TRAPPC12: variants seen among roughly 807,000 people sequenced by gnomAD.
The protein encoded by TRAPPC12 is trafficking protein particle complex subunit 12.
A neutral mutation model predicts 69.2 loss-of-function variants in TRAPPC12; 61 were observed. That is an observed-to-expected ratio of 0.88 (90% CI 0.72 to 1.09). The LOEUF (loss-of-function observed/expected upper bound fraction) is 1.09. Among genes scored for constraint, TRAPPC12 ranks in the 50% least tolerant of loss-of-function variants. The pLI is 0.00. For missense variants in TRAPPC12, 1,101 were observed against 1,016.4 expected, an observed-to-expected ratio of 1.08 and a Z score of -1.13; for synonymous variants, 469 against 438.9, an observed-to-expected ratio of 1.07 and a Z score of -0.86.
intron 7 of TRAPPC12, chr2:3,458,540 T>C: frequency 1.2e-6 from 1 of 808,082 alleles, no homozygotes; most frequent in Non-Finnish European, 1.5e-6. Flanking sequence ...GGTGTGTGGA[T>C]GTTGGGTGTG....
rs138605007 is a variant in TRAPPC12, at chr2:3,401,822, G to A, written c.1093G>A (p.Ala365Thr). 1,136 of 1,601,018 alleles carry A rather than the reference G, an allele frequency of 7.1e-4. 3 individuals carry two copies. The highest frequency in any genetic ancestry group is 9.2e-4 in the Non-Finnish European group (1,078 of 1,175,414). ...GATGCTTCGCTTTCTGGGTGAAAAA[G>A]CTGCAGCAAAGAGACAAGTCCTAAA... ...DLMLRFLGEKAAAKRQVLNAD... is the reference protein window; with the variant it reads ...DLMLRFLGEKTAAKRQVLNAD... The change falls in exon 3 of 12, where the codon GCT becomes ACT. Residue 365 changes from alanine (A) to threonine (T), a missense_variant. Physicochemically the swap from Ala to Thr is moderately conservative, Grantham distance 58. Coordinates refer to ENST00000324266, the MANE Select transcript of TRAPPC12 (RefSeq NM_016030.6).
chr2:3,426,948 C>A (rs1232597965), intron 5 of TRAPPC12, among the ~76,000 whole-genome samples: 1 of 152,208 alleles, frequency 6.6e-6, no homozygotes, highest in East Asian at 1.9e-4. Flanking sequence ...TTTCTTGTCT[C>A]CACTTCATCG....
chr2:3,389,771 A>C (rs1660719360), intron 2 of TRAPPC12: 1 of 463,276 alleles, frequency 2.2e-6, no homozygotes, highest in African/African-American at 2.1e-5. Context: ...TTATGCCGAC[A>C]ACCAGAGTGT....
chr2:3,432,030 A>G (rs534261727), intron 5 of TRAPPC12, among the ~76,000 whole-genome samples: 1 of 152,238 alleles, frequency 6.6e-6, no homozygotes, highest in Non-Finnish European at 1.5e-5. Context: ...GAATTTTTAA[A>G]GTACCACATT....
intron 9 of TRAPPC12, among the ~76,000 whole-genome samples, chr2:3,469,750 TAG>T (rs1665981243): frequency 1.3e-5 from 2 of 151,354 alleles, no homozygotes; most frequent in Admixed American, 1.3e-4. Context: ...CCTGCAAGAG[TAG>T]GAATGTAGGC....
intron 10 of TRAPPC12, 172 bp from the exon 11 acceptor site, chr2:3,478,674 G>A (rs1405844281): frequency 3.4e-6 from 2 of 594,134 alleles, no homozygotes; most frequent in Admixed American, 3.0e-5. Flanking sequence ...GCTTTAATGT[G>A]CGAGCCTGAA....
chr2:3,465,455 T>A (rs1278182060), intron 8 of TRAPPC12, 142 bp from the exon 9 acceptor site: 2 of 625,340 alleles, frequency 3.2e-6, no homozygotes, highest in African/African-American at 3.6e-5. Flanking sequence ...CACCGCGTGC[T>A]GGTTTCCAGC....
intron 9 of TRAPPC12, chr2:3,466,255 C>T (rs990845226): frequency 3.0e-5 from 14 of 471,006 alleles, no homozygotes; most frequent in East Asian, 6.9e-5. Flanking sequence ...CCCTTGCAGG[C>T]GGAGCACAGG....
intron 2 of TRAPPC12, among the ~76,000 whole-genome samples, chr2:3,394,208 G>C (rs2103448201): frequency 6.6e-6 from 1 of 152,266 alleles, no homozygotes; most frequent in Non-Finnish European, 1.5e-5. Context: ...AAGACAGTGT[G>C]TCCACTCACA....
Position 3,399,037 on chromosome 2 carries a change from T to C in TRAPPC12, c.1048-2740T>C, listed in dbSNP as rs374445215. ...CAAGCGTCTCCACCTCCCTGCGCTG[T>C]CACCACCTTCAGTTAGCCACACAGC... On this transcript the variant is annotated intron_variant, in intron 2 of 11. Transcript: ENST00000324266. 2.6e-5 allele frequency among the ~76,000 whole-genome samples: 4 copies of C among 152,226 alleles called. No individual in the cohort carries two copies. The East Asian group carries it at 7.7e-4, about 29-fold the overall frequency.
At chr2:3,425,854 A>C (rs1359932812) in intron 5 of TRAPPC12, among the ~76,000 whole-genome samples, 1 of 152,250 alleles carries the variant, frequency 6.6e-6, no homozygotes, top group African/African-American at 2.4e-5. Flanking sequence ...CATTCTGTTG[A>C]ACTTGGTTGA....
rs759367201 is a variant in TRAPPC12, at chr2:3,424,645, G to A, written c.1399G>A (p.Val467Met). The A allele has an allele frequency of 2.3e-5, 37 of 1,610,962 alleles. No individual in the cohort carries two copies. Among genetic ancestry groups the A allele is most frequent in the Non-Finnish European group, 2.9e-5 (34 of 1,178,924 alleles). ...PDLYYEYYPH[V>M]YPGRRGSMVP... is the part of the protein sequence containing the mutation. Reference sequence around the variant, plus strand: ...TCTTTATTACGAGTACTACCCGCACGTGTACCCTGGGCGCAGGGGTAAGGC... The same window carrying A: ...TCTTTATTACGAGTACTACCCGCACATGTACCCTGGGCGCAGGGGTAAGGC... Residue 467 changes from valine (V) to methionine (M), a missense_variant, in exon 5 of 12, where the codon GTG (valine) becomes ATG (methionine). Transcript: ENST00000324266.
chr2:3,419,998 G>A (rs1262967845), intron 3 of TRAPPC12, among the ~76,000 whole-genome samples: 1 of 152,196 alleles, frequency 6.6e-6, no homozygotes, highest in Non-Finnish European at 1.5e-5. Context: ...CAGCAATCCA[G>A]TTACTGCATT....
chr2:3,420,635 G>A (rs898146951), intron 3 of TRAPPC12, among the ~76,000 whole-genome samples: 2 of 152,120 alleles, frequency 1.3e-5, no homozygotes, highest in East Asian at 1.9e-4. Context: ...CCACACCGCC[G>A]CTGTGGCTGG....
chr2:3,467,304 T>A (rs1022014864), intron 9 of TRAPPC12: 18 of 152,192 alleles, frequency 1.2e-4, no homozygotes, highest in African/African-American at 4.3e-4. Context: ...CCAGGCCGAC[T>A]GGACTCACCG....
intron 5 of TRAPPC12, among the ~76,000 whole-genome samples, chr2:3,428,133 A>G (rs1663220533): frequency 6.6e-6 from 1 of 152,124 alleles, no homozygotes; most frequent in Admixed American, 6.5e-5. Context: ...CTTTGAGGAC[A>G]TTTTTTCCTA....
At chr2:3,380,167 G>A (rs1264383950) in intron 1 of TRAPPC12, among the ~76,000 whole-genome samples, 2 of 152,180 alleles carry the variant, frequency 1.3e-5, no homozygotes, top group Admixed American at 1.3e-4. Context: ...TGCGAAGCGT[G>A]TGGGAAACTA....
At chr2:3,478,604 A>G in intron 10 of TRAPPC12, 1 of 434,860 alleles carries the variant, frequency 2.3e-6, no homozygotes, top group Non-Finnish European at 4.2e-6. Context: ...ACTGCACTAC[A>G]GCCTGGGCAA....
At chr2:3,456,729 C>T (rs1205969355) in intron 6 of TRAPPC12, 2 of 223,506 alleles carry the variant, frequency 8.9e-6, no homozygotes, top group Non-Finnish European at 1.8e-5. Context: ...CAGGCGCACA[C>T]CACCATGCCC....
Sources: gnomAD v4.1 joint callset for allele counts (sites outside exome capture counted in the v4.1 genomes callset) on GRCh38, gnomAD v4.1.1 for gene constraint, MANE v1.5 for transcripts, NCBI Gene and HGNC (gene_info 2026-07-23, HGNC 2026-07-21) for gene names.